The following SHANK2 variants were observed in gnomAD, a reference collection of about 807,000 sequenced individuals.
SHANK2 encodes SH3 and multiple ankyrin repeat domains 2.
Under a neutral mutation model 133.7 loss-of-function variants are expected in SHANK2, and 43 were observed. The ratio of observed to expected loss-of-function variants is 0.32; its 90% CI spans 0.25 to 0.41. The LOEUF is 0.41. SHANK2 is among the 10% of genes least tolerant of loss of function. The probability of loss-of-function intolerance (pLI) is 1.00; values close to 1 mark genes in which losing one functional copy is unlikely to be tolerated. For synonymous variants in SHANK2, 1,017 were observed against 952.8 expected (o/e 1.07, Z -1.24); for missense variants, 1,994 against 2,235.8 (o/e 0.89, Z 2.18).
chr11:70,640,524 C>G (rs2061164680), intron 17 of SHANK2, among the ~76,000 whole-genome samples: 1 of 152,244 alleles, frequency 6.6e-6, no homozygotes, highest in African/African-American at 2.4e-5. Context: ...TCAGGCCACT[C>G]AGTTTCTGGT....
At chr11:70,784,668 T>C (rs557245299) in intron 14 of SHANK2, among the ~76,000 whole-genome samples, 1 of 152,272 alleles carries the variant, frequency 6.6e-6, no homozygotes, top group African/African-American at 2.4e-5. Context: ...TCCCCAGGTG[T>C]TACTGTCCCC....
intron 18 of SHANK2, 137 bp from the exon 19 acceptor site, chr11:70,502,423 G>A (rs961365103): frequency 1.7e-5 from 13 of 786,146 alleles, no homozygotes; most frequent in Non-Finnish European, 2.7e-5. Context: ...GTGCAGGTGT[G>A]CTTATGATGG....
intron 8 of SHANK2, among the ~76,000 whole-genome samples, chr11:71,084,735 C>G (rs1035145675): frequency 2.0e-5 from 3 of 152,222 alleles, no homozygotes; most frequent in African/African-American, 7.2e-5. Context: ...GAGAACCCTA[C>G]AGGCAGCATA....
chr11:71,181,723 G>T (rs1953561671), intron 2 of SHANK2, among the ~76,000 whole-genome samples: 1 of 152,074 alleles, frequency 6.6e-6, no homozygotes, highest in South Asian at 2.1e-4. Flanking sequence ...ACGGAACCAG[G>T]ACAACAAAGA....
intron 2 of SHANK2, among the ~76,000 whole-genome samples, chr11:71,189,601 T>C (rs915710857): frequency 1.3e-5 from 2 of 152,192 alleles, no homozygotes; most frequent in Non-Finnish European, 2.9e-5. Context: ...GGTTTCTCCA[T>C]GTTGCCCAGG....
chr11:70,731,407 C>T (rs782650374), intron 14 of SHANK2, among the ~76,000 whole-genome samples: 2 of 152,222 alleles, frequency 1.3e-5, no homozygotes, highest in Admixed American at 1.3e-4. Flanking sequence ...ACATACTCCC[C>T]GCTCCTTCTC....
chr11:70,846,657 G>A (rs1158619530), intron 11 of SHANK2, among the ~76,000 whole-genome samples: 3 of 152,128 alleles, frequency 2.0e-5, no homozygotes, highest in East Asian at 1.9e-4. Flanking sequence ...GGTGCCTAAC[G>A]GCCACCTCAT....
At chr11:70,843,156 G>A (rs1360562644) in intron 11 of SHANK2, among the ~76,000 whole-genome samples, 1 of 151,988 alleles carries the variant, frequency 6.6e-6, no homozygotes, top group African/African-American at 2.4e-5. Context: ...GGGAGCAGAG[G>A]CTGCAGTGGA....
intron 17 of SHANK2, among the ~76,000 whole-genome samples, chr11:70,597,750 G>C (rs745473886): frequency 6.6e-6 from 1 of 152,202 alleles, no homozygotes. Context: ...GTGGGCACCT[G>C]TAATCCCAGC....
At chr11:70,553,472 A>G (rs2059794498) in intron 17 of SHANK2, among the ~76,000 whole-genome samples, 1 of 152,134 alleles carries the variant, frequency 6.6e-6, no homozygotes, top group Non-Finnish European at 1.5e-5. Context: ...ACGCTAATGC[A>G]TGGATTTTTG....
At chr11:70,681,248 T>G (rs1468095610) in intron 15 of SHANK2, among the ~76,000 whole-genome samples, 1 of 152,226 alleles carries the variant, frequency 6.6e-6, no homozygotes, top group Non-Finnish European at 1.5e-5. Context: ...TGGCAAAGTC[T>G]GACGGCGGAA....
chr11:70,927,838 G>A (rs539182582), intron 10 of SHANK2, among the ~76,000 whole-genome samples: 18 of 152,246 alleles, frequency 1.2e-4, no homozygotes, highest in African/African-American at 3.1e-4. Flanking sequence ...CATCCAATCC[G>A]TTGAGGGTCT....
In SHANK2 at chr11:70,505,022, G is replaced by A. The variant is rs114294656; in HGVS notation, c.2062-2091C>T. On this transcript the variant is annotated intron_variant, in intron 17 of 25. Coordinates refer to ENST00000601538, the MANE Select transcript of SHANK2 (RefSeq NM_012309.5). ...CAGCTGTCTCTGCCTCCATCTGTGG[G>A]AAGTTTGCGTCCTCATCAGGGAGTT... Among the ~76,000 whole-genome samples, 619 of 152,280 alleles carry A rather than the reference G, an allele frequency of 4.1e-3. 6 individuals carry two copies. Among genetic ancestry groups the A allele is most frequent in the African/African-American group, 0.014 (596 of 41,538 alleles).
intron 12 of SHANK2, among the ~76,000 whole-genome samples, chr11:70,819,179 A>G (rs1309485913): frequency 1.3e-5 from 2 of 152,268 alleles, no homozygotes; most frequent in Admixed American, 6.5e-5. Flanking sequence ...CCGGGGAAGC[A>G]CGGGTCCAAG....
Position 71,137,430 on chromosome 11 carries a change from G to A in SHANK2, c.207+9690C>T, listed in dbSNP as rs181594211. 3.0e-3 allele frequency among the ~76,000 whole-genome samples: 455 copies of A among 152,166 alleles called. 3 individuals are homozygous for A. Among genetic ancestry groups the A allele is most frequent in the African/African-American group, 9.2e-3 (384 of 41,528 alleles). On this transcript the variant is annotated intron_variant, in intron 3 of 25. Transcript: ENST00000601538. ...CACAACTTGAGTTGAGGGGCATCTG[G>A]GCTTTCAACAGAGAAGGTATGGAGG... is the stretch of plus-strand genomic sequence containing the variant.
intron 2 of SHANK2, among the ~76,000 whole-genome samples, chr11:71,171,600 A>G (rs1036177658): frequency 1.1e-3 from 166 of 152,104 alleles, no homozygotes; most frequent in African/African-American, 4.0e-3. Context: ...CCTTCTCTTC[A>G]TTGTTCTCTC....
intron 2 of SHANK2, among the ~76,000 whole-genome samples, chr11:71,211,090 T>C (rs532540737): frequency 6.8e-4 from 104 of 152,052 alleles, no homozygotes; most frequent in Admixed American, 4.6e-4. Flanking sequence ...AAGTTCACGA[T>C]GACAGCTCCC....
intron 10 of SHANK2, chr11:70,952,666 TGAC>T (rs1310916264): frequency 3.1e-6 from 1 of 319,282 alleles, no homozygotes; most frequent in Non-Finnish European, 6.9e-6. Flanking sequence ...CCCAAGCTGC[TGAC>T]GATTTTCATG....
intron 10 of SHANK2, among the ~76,000 whole-genome samples, chr11:70,930,667 TTTC>T (rs1406155962): frequency 0.018 from 2,305 of 127,156 alleles, 156 homozygotes; most frequent in African/African-American, 0.068. Context: ...GTCTTTTTTT[TTTC>T]TTTTTTTTTT....
Sources: allele counts gnomAD v4.1 joint callset (sites outside exome capture counted in the v4.1 genomes callset), GRCh38; gene constraint gnomAD v4.1.1; transcripts MANE v1.5; gene names NCBI Gene and HGNC (gene_info 2026-07-23, HGNC 2026-07-21).